Variants in CADM2 observed in about 807,000 individuals in gnomAD.
CADM2 encodes the protein immunoglobulin superfamily member 4D.
In CADM2, 12 loss-of-function variants were observed where a neutral mutation model predicts 49.8. The observed-to-expected ratio is 0.24, with a 90% CI of 0.15 to 0.39. The LOEUF (loss-of-function observed/expected upper bound fraction) is 0.39, where lower values mean the gene tolerates loss of function less well. CADM2 is among the 10% of genes least tolerant of loss of function. The pLI is 1.00. For synonymous variants in CADM2, 214 were observed against 175.4 expected (o/e 1.22, Z -1.74); for missense variants, 378 against 492.3 (o/e 0.77, Z 2.20).
At chr3:85,676,478 T>A (rs1399650035) in intron 1 of CADM2, among the ~76,000 whole-genome samples, 3 of 151,950 alleles carry the variant, frequency 2.0e-5, no homozygotes, top group Admixed American at 1.3e-4. Flanking sequence ...TAATGTATCT[T>A]AACTTACCTG....
At chr3:85,694,943 T>TA (rs137886149) in intron 1 of CADM2, among the ~76,000 whole-genome samples, 32,843 of 151,514 alleles carry the variant, frequency 0.22, 4,214 homozygotes, top group Middle Eastern at 0.29. Flanking sequence ...AAAAATAAAA[T>TA]AAAAAAAATA....
chr3:85,574,020 A>G (rs2062557911), intron 1 of CADM2, among the ~76,000 whole-genome samples: 1 of 152,222 alleles, frequency 6.6e-6, no homozygotes, highest in Non-Finnish European at 1.5e-5. Context: ...CAATGTATCC[A>G]TGAGACATTT....
At chr3:85,858,329 C>T (rs1170685088) in intron 3 of CADM2, among the ~76,000 whole-genome samples, 1 of 152,170 alleles carries the variant, frequency 6.6e-6, no homozygotes, top group Non-Finnish European at 1.5e-5. Context: ...TTACATTTAA[C>T]ACAATTTTCT....
At chr3:85,234,436 G>A (rs2042367644) in intron 1 of CADM2, among the ~76,000 whole-genome samples, 1 of 152,004 alleles carries the variant, frequency 6.6e-6, no homozygotes, top group Non-Finnish European at 1.5e-5. Context: ...TGTAAAAAGG[G>A]AATAACTATC....
chr3:85,939,899 C>A, intron 7 of CADM2, among the ~76,000 whole-genome samples: 2 of 149,160 alleles, frequency 1.3e-5, no homozygotes, highest in African/African-American at 5.0e-5. Context: ...TATATAGCAA[C>A]TAGTGAGGTG....
chr3:85,483,320 G>T (rs1320756688), intron 1 of CADM2, among the ~76,000 whole-genome samples: 1 of 151,292 alleles, frequency 6.6e-6, no homozygotes, highest in Non-Finnish European at 1.5e-5. Flanking sequence ...AAACTTAATT[G>T]TGTATGATGA....
intron 6 of CADM2, among the ~76,000 whole-genome samples, chr3:85,925,732 G>A (rs1167098797): frequency 6.6e-6 from 1 of 152,154 alleles, no homozygotes; most frequent in African/African-American, 2.4e-5. Context: ...AGTAAGCAAT[G>A]ATGTGAGAGA....
At chr3:85,793,197 C>A (rs1278951124) in intron 2 of CADM2, among the ~76,000 whole-genome samples, 1 of 152,132 alleles carries the variant, frequency 6.6e-6, no homozygotes, top group African/African-American at 2.4e-5. Context: ...GTTATTTTTT[C>A]AGGATATTGA....
intron 7 of CADM2, among the ~76,000 whole-genome samples, chr3:85,956,956 A>T (rs1724141425): frequency 6.6e-6 from 1 of 151,632 alleles, no homozygotes; most frequent in Non-Finnish European, 1.5e-5. Flanking sequence ...GCCTCCTAAG[A>T]TACTAAATTA....
At chr3:85,585,632 A>G (rs1253075398) in intron 1 of CADM2, among the ~76,000 whole-genome samples, 1 of 152,016 alleles carries the variant, frequency 6.6e-6, no homozygotes, top group African/African-American at 2.4e-5. Flanking sequence ...CCTTCTGAGG[A>G]TAAGGGGGAT....
chr3:85,691,894 A>G (rs2066399835), intron 1 of CADM2, among the ~76,000 whole-genome samples: 1 of 152,074 alleles, frequency 6.6e-6, no homozygotes, highest in Non-Finnish European at 1.5e-5. Context: ...CAAACACCGC[A>G]TGTTCTCACT....
intron 1 of CADM2, among the ~76,000 whole-genome samples, chr3:85,288,784 G>GCCC (rs60466682): frequency 0.11 from 9,811 of 87,014 alleles, 1,428 homozygotes; most frequent in Non-Finnish European, 0.19. Flanking sequence ...TTACCAATAT[G>GCCC]CCCCCCCCCC....
intron 1 of CADM2, among the ~76,000 whole-genome samples, chr3:85,493,056 A>G (rs1246792127): frequency 6.6e-6 from 1 of 152,202 alleles, no homozygotes; most frequent in Non-Finnish European, 1.5e-5. Flanking sequence ...AGTTCCATCC[A>G]GTAAGTAAGA....
intron 1 of CADM2, among the ~76,000 whole-genome samples, chr3:85,060,038 G>A (rs1182679518): frequency 6.6e-6 from 1 of 152,120 alleles, no homozygotes; most frequent in African/African-American, 2.4e-5. Context: ...CTCGATTTCA[G>A]TCTTTCTGAT....
chr3:85,384,254 G>A (rs2034078441), intron 1 of CADM2, among the ~76,000 whole-genome samples: 1 of 152,086 alleles, frequency 6.6e-6, no homozygotes, highest in South Asian at 2.1e-4. Flanking sequence ...AGAATGCACT[G>A]CTGAAATGCA....
At chr3:85,062,663 A>G (rs2036376295) in intron 1 of CADM2, among the ~76,000 whole-genome samples, 1 of 152,000 alleles carries the variant, frequency 6.6e-6, no homozygotes, top group Non-Finnish European at 1.5e-5. Flanking sequence ...ACATTAATGT[A>G]ATATTTTAAA....
chr3:85,138,670 A>T (rs930704011), intron 1 of CADM2, among the ~76,000 whole-genome samples: 1 of 152,180 alleles, frequency 6.6e-6, no homozygotes. Context: ...TGTTTGAAAA[A>T]TAAATGGTGA....
intron 1 of CADM2, among the ~76,000 whole-genome samples, chr3:85,504,144 T>A (rs1035923613): frequency 4.6e-5 from 7 of 152,116 alleles, no homozygotes; most frequent in African/African-American, 7.2e-5. Flanking sequence ...CTTCTGATGT[T>A]CAGATGTGTT....
intron 1 of CADM2, among the ~76,000 whole-genome samples, chr3:85,507,464 C>T (rs1437339535): frequency 6.6e-6 from 1 of 152,100 alleles, no homozygotes. Flanking sequence ...GCTGGAATTA[C>T]AGGCGTGAGC....
Sources: gnomAD v4.1 joint callset for allele counts (sites outside exome capture counted in the v4.1 genomes callset) on GRCh38, gnomAD v4.1.1 for gene constraint, MANE v1.5 for transcripts, NCBI Gene and HGNC (gene_info 2026-07-23, HGNC 2026-07-21) for gene names.